TAF3: variants seen among roughly 807,000 people sequenced by gnomAD.
The protein encoded by TAF3 is transcription initiation factor TFIID subunit 3.
Under a neutral mutation model 80.6 loss-of-function variants are expected in TAF3, and 7 were observed. That is an observed-to-expected ratio of 0.09 (90% CI 0.05 to 0.16). The LOEUF is 0.16. TAF3 is among the 10% of genes least tolerant of loss of function. The probability of loss-of-function intolerance (pLI) is 1.00; values close to 1 mark genes in which losing one functional copy is unlikely to be tolerated. For synonymous variants in TAF3, 444 were observed against 446.1 expected (o/e 1.00, Z 0.06); for missense variants, 921 against 1,140.2 (o/e 0.81, Z 2.77).
At chr10:7,834,895 C>T (rs1161242791) in intron 2 of TAF3, among the ~76,000 whole-genome samples, 2 of 152,162 alleles carry the variant, frequency 1.3e-5, no homozygotes, top group Non-Finnish European at 2.9e-5. Context: ...CATATAGCTA[C>T]TGTCTTGAGT....
At chr10:7,950,814 A>G (rs991739505) in intron 2 of TAF3, among the ~76,000 whole-genome samples, 6 of 152,178 alleles carry the variant, frequency 3.9e-5, no homozygotes, top group African/African-American at 1.4e-4. Flanking sequence ...CAGTAGTGCC[A>G]TGTTTTTCTC....
intron 4 of TAF3, among the ~76,000 whole-genome samples, chr10:7,998,266 T>TATAG: frequency 2.9e-5 from 1 of 34,570 alleles, no homozygotes; most frequent in East Asian, 6.8e-4. Context: ...TATATATATG[T>TATAG]ATATATATAT....
intron 6 of TAF3, 75 bp downstream of exon 6, chr10:8,013,912 A>G: frequency 8.0e-7 from 1 of 1,255,652 alleles, no homozygotes. Flanking sequence ...GCATCCACTG[A>G]GTAGATTCCT....
chr10:7,918,842 A>T (rs1032961708), intron 2 of TAF3, among the ~76,000 whole-genome samples: 1 of 152,168 alleles, frequency 6.6e-6, no homozygotes, highest in Non-Finnish European at 1.5e-5. Context: ...TCATTCCAAG[A>T]TGTTTACTGC....
At chr10:7,857,699 A>C (rs1291835587) in intron 2 of TAF3, among the ~76,000 whole-genome samples, 3 of 152,218 alleles carry the variant, frequency 2.0e-5, no homozygotes, top group Non-Finnish European at 4.4e-5. Flanking sequence ...TCACACGGGT[A>C]TAAATATCTA....
At position 7,982,506 on chromosome 10, in the gene TAF3, C is replaced by T. The variant is rs1442966174; in HGVS notation, c.2315+5183C>T. 2.0e-5 allele frequency among the ~76,000 whole-genome samples: 3 copies of T among 152,150 alleles called. 1 individual carries two copies. In the East Asian group the frequency reaches 5.8e-4, roughly 29 times the overall value. Reference sequence around the variant, plus strand: ...CTCCACCTCCCGGGTTCAAGTGATTCTCCGGCCTAAGCCTCCCAGGTAGCT... The same window carrying T: ...CTCCACCTCCCGGGTTCAAGTGATTTTCCGGCCTAAGCCTCCCAGGTAGCT... On this transcript the variant is annotated intron_variant, in intron 4 of 6. Transcript: ENST00000344293.
chr10:7,997,944 G>C (rs1588344694), intron 4 of TAF3, among the ~76,000 whole-genome samples: 1 of 152,086 alleles, frequency 6.6e-6, no homozygotes, highest in African/African-American at 2.4e-5. Context: ...CACAAGTGAT[G>C]AAAAATTATA....
intron 2 of TAF3, among the ~76,000 whole-genome samples, chr10:7,828,633 C>T (rs970971581): frequency 2.7e-5 from 4 of 150,544 alleles, no homozygotes; most frequent in Admixed American, 1.3e-4. Context: ...AATAGTACAG[C>T]GTACTATGCC....
At chr10:7,897,118 T>G (rs908997353) in intron 2 of TAF3, among the ~76,000 whole-genome samples, 1 of 152,190 alleles carries the variant, frequency 6.6e-6, no homozygotes, top group Non-Finnish European at 1.5e-5. Context: ...GGGAAGACTC[T>G]GCACTTAAAA....
At chr10:7,824,788 A>G (rs953250129) in intron 2 of TAF3, among the ~76,000 whole-genome samples, 2 of 152,248 alleles carry the variant, frequency 1.3e-5, no homozygotes, top group Admixed American at 6.5e-5. Context: ...TCCTTTGTAA[A>G]GTTCAAGTAG....
intron 2 of TAF3, among the ~76,000 whole-genome samples, chr10:7,893,069 C>G (rs1837471066): frequency 1.3e-5 from 2 of 152,130 alleles, no homozygotes; most frequent in South Asian, 4.1e-4. Context: ...ATCCACCCCC[C>G]TTGGCTTCCC....
intron 2 of TAF3, among the ~76,000 whole-genome samples, chr10:7,944,736 A>C (rs949411126): frequency 1.3e-5 from 2 of 152,242 alleles, no homozygotes; most frequent in Non-Finnish European, 2.9e-5. Flanking sequence ...GTATAGAAGA[A>C]TTAGACAAAA....
chr10:7,913,233 A>G (rs1837674286), intron 2 of TAF3, among the ~76,000 whole-genome samples: 1 of 152,154 alleles, frequency 6.6e-6, no homozygotes, highest in East Asian at 1.9e-4. Flanking sequence ...ACAGGGGGCT[A>G]GGGATTCAAG....
chr10:8,013,907 C>A, intron 6 of TAF3, 70 bp downstream of exon 6: 1 of 1,302,128 alleles, frequency 7.7e-7, no homozygotes, highest in Non-Finnish European at 1.1e-6. Context: ...ATGAAGCATC[C>A]ACTGAGTAGA....
chr10:8,004,404 C>G (rs983645085), intron 4 of TAF3, among the ~76,000 whole-genome samples: 2 of 151,150 alleles, frequency 1.3e-5, no homozygotes, highest in Non-Finnish European at 2.9e-5. Context: ...TTTTTAAGTT[C>G]TTAATAATTT....
At chr10:7,821,460 A>T (rs961811366) in intron 1 of TAF3, among the ~76,000 whole-genome samples, 2 of 152,194 alleles carry the variant, frequency 1.3e-5, no homozygotes, top group Admixed American at 1.3e-4. Flanking sequence ...CCTGACCATA[A>T]GGTGTGTTCA....
chr10:7,847,298 C>G (rs1351523380), intron 2 of TAF3, among the ~76,000 whole-genome samples: 4 of 152,210 alleles, frequency 2.6e-5, no homozygotes, highest in Non-Finnish European at 4.4e-5. Flanking sequence ...TATGGTCTCT[C>G]ATCTAGTCAT....
chr10:7,900,361 CAT>C (rs1430235315), intron 2 of TAF3, among the ~76,000 whole-genome samples: 2 of 152,120 alleles, frequency 1.3e-5, no homozygotes, highest in African/African-American at 4.8e-5. Context: ...TATAAGGAAA[CAT>C]ATGATAATGT....
chr10:7,996,865 T>C (rs1831895173), intron 4 of TAF3, among the ~76,000 whole-genome samples: 2 of 151,526 alleles, frequency 1.3e-5, no homozygotes, highest in Admixed American at 1.3e-4. Context: ...TTTTGTATTT[T>C]TGTATTTTTG....
Sources: gnomAD v4.1 joint callset for allele counts (sites outside exome capture counted in the v4.1 genomes callset) on GRCh38, gnomAD v4.1.1 for gene constraint, MANE v1.5 for transcripts, NCBI Gene and HGNC (gene_info 2026-07-23, HGNC 2026-07-21) for gene names.